Variants in SAMD5 observed in about 807,000 individuals in gnomAD.
SAMD5 encodes sterile alpha motif domain-containing protein 5.
SAMD5 carries 13 observed loss-of-function variants against 11.3 expected under a neutral mutation model. That is an observed-to-expected ratio of 1.15 (90% CI 0.75 to 1.83). SAMD5 has a LOEUF of 1.83. Among genes scored for constraint, SAMD5 ranks in the 40% most tolerant of loss-of-function variants. SAMD5 has a pLI of 0.00. For synonymous variants in SAMD5, 129 were observed against 111.3 expected (o/e 1.16, Z -1.00); for missense variants, 255 against 239.1 (o/e 1.07, Z -0.44).
chr6:147,633,080 A>G (rs1475001987), intron 1 of SAMD5, among the ~76,000 whole-genome samples: 1 of 152,204 alleles, frequency 6.6e-6, no homozygotes, highest in Non-Finnish European at 1.5e-5. Flanking sequence ...CAAATGACAG[A>G]AATACAGGCA....
chr6:147,552,562 T>C (rs576487562), intron 1 of SAMD5, among the ~76,000 whole-genome samples: 1 of 152,342 alleles, frequency 6.6e-6, no homozygotes, highest in Admixed American at 6.5e-5. Context: ...TCTGCATAAA[T>C]AGTGTTTTAT....
chr6:147,881,775 A>C, the SAMD5 span, among the ~76,000 whole-genome samples: 1 of 152,158 alleles, frequency 6.6e-6, no homozygotes, highest in Non-Finnish European at 1.5e-5. Context: ...TCCTCACTTC[A>C]AGAAGTTACA....
intron 1 of SAMD5, among the ~76,000 whole-genome samples, chr6:147,606,963 C>CAA (rs11377845): frequency 0.057 from 7,485 of 131,208 alleles, 356 homozygotes; most frequent in African/African-American, 0.13. Context: ...CAGCTTTATC[C>CAA]AAAAAAAAAA....
the SAMD5 span, among the ~76,000 whole-genome samples, chr6:147,901,161 T>C: frequency 2.0e-5 from 3 of 152,154 alleles, no homozygotes; most frequent in Non-Finnish European, 2.9e-5. Flanking sequence ...ACCAGTATTA[T>C]AGAGATATTA....
chr6:147,948,233 G>T, the SAMD5 span, among the ~76,000 whole-genome samples: 4 of 145,852 alleles, frequency 2.7e-5, no homozygotes, highest in African/African-American at 1.0e-4. Flanking sequence ...TCCTTTAAAA[G>T]AATTACCAAG....
At chr6:147,668,928 A>G (rs1428225100) in intron 1 of SAMD5, among the ~76,000 whole-genome samples, 1 of 152,250 alleles carries the variant, frequency 6.6e-6, no homozygotes, top group Non-Finnish European at 1.5e-5. Flanking sequence ...TAACTTAATT[A>G]AAAATACTTT....
the SAMD5 span, among the ~76,000 whole-genome samples, chr6:147,824,977 C>A: frequency 3.9e-5 from 6 of 151,952 alleles, no homozygotes; most frequent in East Asian, 1.2e-3. Flanking sequence ...AAAATGGCAA[C>A]GAATAAGAAA....
At chr6:147,542,224 T>C (rs1484510705) in intron 1 of SAMD5, among the ~76,000 whole-genome samples, 2 of 152,152 alleles carry the variant, frequency 1.3e-5, no homozygotes, top group Non-Finnish European at 2.9e-5. Flanking sequence ...CAGTCCCCAG[T>C]CCCCAGAACT....
At chr6:147,599,862 T>G (rs891894662) in intron 1 of SAMD5, among the ~76,000 whole-genome samples, 1 of 152,146 alleles carries the variant, frequency 6.6e-6, no homozygotes, top group Non-Finnish European at 1.5e-5. Flanking sequence ...TCTGTGGCAA[T>G]AAGGAAACAA....
the SAMD5 span, among the ~76,000 whole-genome samples, chr6:147,820,184 T>C: frequency 6.6e-6 from 1 of 152,238 alleles, no homozygotes; most frequent in African/African-American, 2.4e-5. Flanking sequence ...CCATTATTTC[T>C]TATTCACCTG....
chr6:147,769,582 G>A, the SAMD5 span, among the ~76,000 whole-genome samples: 1 of 152,122 alleles, frequency 6.6e-6, no homozygotes, highest in Admixed American at 6.5e-5. Flanking sequence ...GTACATGTTT[G>A]TTTTATTTTG....
At chr6:147,611,450 C>G (rs1789784899) in intron 1 of SAMD5, among the ~76,000 whole-genome samples, 1 of 151,926 alleles carries the variant, frequency 6.6e-6, no homozygotes, top group African/African-American at 2.4e-5. Context: ...GTAATCCCAG[C>G]TACTCAGGAG....
At chr6:147,759,296 G>A in the SAMD5 span, among the ~76,000 whole-genome samples, 24 of 152,038 alleles carry the variant, frequency 1.6e-4, no homozygotes, top group African/African-American at 2.7e-4. Context: ...ACTGTATTGC[G>A]TTACCATCTG....
intron 1 of SAMD5, among the ~76,000 whole-genome samples, chr6:147,510,933 G>T (rs565763548): frequency 3.3e-5 from 5 of 152,224 alleles, no homozygotes; most frequent in Non-Finnish European, 7.3e-5. Flanking sequence ...TGGATAGAGA[G>T]ATCTGGTCAT....
chr6:147,909,622 T>TTC, the SAMD5 span, among the ~76,000 whole-genome samples: 56 of 69,730 alleles, frequency 8.0e-4, no homozygotes, highest in African/African-American at 4.4e-3. Context: ...CTTTCTTTCT[T>TTC]TCTTTCTTTC....
the SAMD5 span, among the ~76,000 whole-genome samples, chr6:147,937,164 G>T: frequency 6.6e-6 from 1 of 152,150 alleles, no homozygotes; most frequent in African/African-American, 2.4e-5. Flanking sequence ...ATCAGACAAA[G>T]AATAGTCAAG....
the SAMD5 span, among the ~76,000 whole-genome samples, chr6:147,917,369 C>T: frequency 6.7e-6 from 1 of 149,044 alleles, no homozygotes; most frequent in African/African-American, 2.5e-5. Flanking sequence ...TGAGAAGTGT[C>T]TGTTCATGTC....
intron 1 of SAMD5, among the ~76,000 whole-genome samples, chr6:147,604,033 C>T (rs1789661672): frequency 6.6e-6 from 1 of 152,086 alleles, no homozygotes; most frequent in African/African-American, 2.4e-5. Flanking sequence ...TAAAAATACA[C>T]AATTTTAAAT....
At chr6:147,588,892 A>T (rs1789413896) in intron 1 of SAMD5, among the ~76,000 whole-genome samples, 1 of 152,042 alleles carries the variant, frequency 6.6e-6, no homozygotes, top group African/African-American at 2.4e-5. Flanking sequence ...TACGGTTATG[A>T]TTTCATGTTA....
Sources: gnomAD v4.1 joint callset for allele counts (sites outside exome capture counted in the v4.1 genomes callset) on GRCh38, gnomAD v4.1.1 for gene constraint, MANE v1.5 for transcripts, NCBI Gene and HGNC (gene_info 2026-07-23, HGNC 2026-07-21) for gene names.